Variants in CENPP observed in about 807,000 individuals in gnomAD.
The protein encoded by CENPP is centromere protein P.
Under a neutral mutation model 35.6 loss-of-function variants are expected in CENPP, and 24 were observed. The ratio of observed to expected loss-of-function variants is 0.67; its 90% CI spans 0.49 to 0.95. The LOEUF (loss-of-function observed/expected upper bound fraction) is 0.95. CENPP is among the 40% of genes least tolerant of loss of function. The pLI, the probability that CENPP is intolerant of heterozygous loss-of-function variation, is 0.00. For synonymous variants in CENPP, 120 were observed against 125.5 expected, an observed-to-expected ratio of 0.96 and a Z score of 0.29; for missense variants, 332 against 345.3, an observed-to-expected ratio of 0.96 and a Z score of 0.31.
intron 4 of CENPP, among the ~76,000 whole-genome samples, chr9:92,375,470 T>G (rs1335427736): frequency 2.0e-5 from 3 of 151,754 alleles, no homozygotes; most frequent in Non-Finnish European, 4.4e-5. Flanking sequence ...TTTTTGTGGT[T>G]TTTTTTTAAT....
chr9:92,471,792 G>A (rs1339768481), intron 5 of CENPP, among the ~76,000 whole-genome samples: 2 of 151,308 alleles, frequency 1.3e-5, no homozygotes, highest in East Asian at 3.9e-4. Context: ...TTAGCCTCCC[G>A]AGTAGCTAGG....
At chr9:92,460,056 CTT>C (rs869237016) in intron 5 of CENPP, among the ~76,000 whole-genome samples, 39 of 109,544 alleles carry the variant, frequency 3.6e-4, no homozygotes, top group African/African-American at 5.8e-4. Flanking sequence ...AACGGTGGTT[CTT>C]TTTTTTTTTT....
intron 5 of CENPP, among the ~76,000 whole-genome samples, chr9:92,409,361 G>A (rs968152029): frequency 1.3e-5 from 2 of 152,130 alleles, no homozygotes; most frequent in African/African-American, 4.8e-5. Flanking sequence ...GCCATCCTTG[G>A]GGACATATGA....
intron 5 of CENPP, among the ~76,000 whole-genome samples, chr9:92,552,885 G>A (rs1380347593): frequency 6.6e-6 from 1 of 151,504 alleles, no homozygotes; most frequent in East Asian, 1.9e-4. Flanking sequence ...ATTTGCTTTT[G>A]GGTTCTTGGT....
At chr9:92,338,927 A>G (rs573214338) in intron 3 of CENPP, among the ~76,000 whole-genome samples, 2 of 152,344 alleles carry the variant, frequency 1.3e-5, no homozygotes, top group South Asian at 2.1e-4. Context: ...AAGCGAAAGC[A>G]GACAGAATGA....
In CENPP at chr9:92,460,281, G is replaced by A. The variant is rs112870954; in HGVS notation, c.564+80422G>A. Among the ~76,000 whole-genome samples the A allele has an allele frequency of 0.04, 6,005 of 151,886 alleles. 151 individuals carry two copies. The highest frequency in any genetic ancestry group is 0.075 in the Middle Eastern group (22 of 292). Reference sequence around the variant, plus strand: ...GAACTCCTGACCTCGGGATCTGCCCGCCTTGGCCTCCCAAAGTGCTGGGAT... The same window carrying A: ...GAACTCCTGACCTCGGGATCTGCCCACCTTGGCCTCCCAAAGTGCTGGGAT... On this transcript the variant is annotated intron_variant, in intron 5 of 7. Transcript: ENST00000375587.
chr9:92,509,002 ATTAGC>A (rs1308322674), intron 5 of CENPP, among the ~76,000 whole-genome samples: 1 of 152,038 alleles, frequency 6.6e-6, no homozygotes, highest in Non-Finnish European at 1.5e-5. Context: ...AATCAAAGGC[ATTAGC>A]TAGAATTCAT....
intron 5 of CENPP, among the ~76,000 whole-genome samples, chr9:92,494,412 A>G (rs2131128481): frequency 6.6e-6 from 1 of 152,300 alleles, no homozygotes; most frequent in South Asian, 2.1e-4. Context: ...CAACCTGGCC[A>G]CTTTAAAATT....
intron 5 of CENPP, among the ~76,000 whole-genome samples, chr9:92,545,538 C>CA (rs1554685106): frequency 6.6e-6 from 1 of 151,702 alleles, no homozygotes; most frequent in Non-Finnish European, 1.5e-5. Context: ...CCCGCCCCGC[C>CA]GGGCCCCTTC....
At position 92,599,826 on chromosome 9, in the gene CENPP, G is replaced by A. The variant is rs555058542; in HGVS notation, c.565-11488G>A. On this transcript the variant is annotated intron_variant, in intron 5 of 7. Coordinates refer to ENST00000375587, the MANE Select transcript of CENPP (RefSeq NM_001012267.3). ...TCCCACTAGATGTTTCTCCATTTAC[G>A]AGACATGGTCAGATTACTTTCCCCC... Among the ~76,000 whole-genome samples, 6 of 152,154 alleles carry A rather than the reference G, an allele frequency of 3.9e-5. No homozygotes were observed. In the South Asian group the frequency reaches 1.0e-3, roughly 26 times the overall value.
At chr9:92,417,387 A>G (rs367622397) in intron 5 of CENPP, 7 of 1,614,114 alleles carry the variant, frequency 4.3e-6, no homozygotes, top group Non-Finnish European at 5.9e-6. Flanking sequence ...CCTAAAGTAT[A>G]CTGATGAAAA....
intron 5 of CENPP, chr9:92,611,050 T>C (rs901420816): frequency 3.4e-5 from 18 of 532,830 alleles, no homozygotes; most frequent in Non-Finnish European, 1.0e-5. Context: ...ACCTGTGAAA[T>C]GAGAATACAG....
At chr9:92,518,324 C>T (rs1028154298) in intron 5 of CENPP, among the ~76,000 whole-genome samples, 2 of 152,202 alleles carry the variant, frequency 1.3e-5, no homozygotes, top group Non-Finnish European at 2.9e-5. Context: ...ACAAATCACA[C>T]ATGAGCTCTT....
intron 5 of CENPP, among the ~76,000 whole-genome samples, chr9:92,504,669 C>T (rs533777443): frequency 1.1e-4 from 16 of 152,108 alleles, no homozygotes; most frequent in East Asian, 3.9e-4. Flanking sequence ...TGAGCAGCTA[C>T]GACTACAGGT....
At chr9:92,415,248 A>G (rs150051960) in intron 5 of CENPP, 20 of 1,613,614 alleles carry the variant, frequency 1.2e-5, no homozygotes, top group Non-Finnish European at 1.6e-5. Context: ...CGTGATCTTC[A>G]CTTTCATCAT....
Position 92,593,202 on chromosome 9 carries a change from G to A in CENPP, c.565-18112G>A, listed in dbSNP as rs1177178668. On this transcript the variant is annotated intron_variant, in intron 5 of 7. Transcript: ENST00000375587. The surrounding 1 kb of genome is among the most constrained non-coding windows in gnomAD (Gnocchi z 4.1). ...GATGCTGAGAGTGCTGTGATGAGGT[G>A]AGCCAGCTCCTGGGCAAAGGTGAGA... is the stretch of plus-strand genomic sequence containing the variant. Among the ~76,000 whole-genome samples, 1 of 152,240 alleles carries A rather than the reference G, an allele frequency of 6.6e-6. No homozygotes were observed. Among genetic ancestry groups the A allele is most frequent in the Non-Finnish European group, 1.5e-5 (1 of 68,040 alleles).
chr9:92,555,214 ATTTTTTTTTTTTTT>A (rs34701393), intron 5 of CENPP, among the ~76,000 whole-genome samples: 16 of 63,464 alleles, frequency 2.5e-4, no homozygotes, highest in African/African-American at 5.8e-4. Flanking sequence ...TTTTTTGGAA[ATTTTTTTTTTTTTT>A]TTTTTTTTTT....
At chr9:92,395,533 T>C (rs1321225549) in intron 5 of CENPP, among the ~76,000 whole-genome samples, 1 of 152,102 alleles carries the variant, frequency 6.6e-6, no homozygotes, top group African/African-American at 2.4e-5. Flanking sequence ...ACCTAAGGAG[T>C]GGAATGGCTG....
intron 5 of CENPP, among the ~76,000 whole-genome samples, chr9:92,383,755 C>T (rs1842324889): frequency 6.6e-6 from 1 of 151,786 alleles, no homozygotes; most frequent in Admixed American, 6.6e-5. Context: ...TACCTTTTAC[C>T]AATGTTCTTT....
Sources: gnomAD v4.1 joint callset for allele counts (sites outside exome capture counted in the v4.1 genomes callset) on GRCh38, gnomAD v4.1.1 for gene constraint, Gnocchi (gnomAD v3.1) non-coding constraint, MANE v1.5 for transcripts, NCBI Gene and HGNC (gene_info 2026-07-23, HGNC 2026-07-21) for gene names.